TASP1: variants seen among roughly 807,000 people sequenced by gnomAD.
TASP1 encodes threonine aspartase 1.
Under a neutral mutation model 56.6 loss-of-function variants are expected in TASP1, and 16 were observed. The observed-to-expected ratio is 0.28, with a 90% CI of 0.19 to 0.43. TASP1 has a LOEUF of 0.43. Among genes scored for constraint, TASP1 ranks in the 20% least tolerant of loss-of-function variants. The probability of loss-of-function intolerance (pLI) is 1.00; values close to 1 mark genes in which losing one functional copy is unlikely to be tolerated. For synonymous variants in TASP1, 179 were observed against 184.2 expected (o/e 0.97, Z 0.23); for missense variants, 393 against 511.6 (o/e 0.77, Z 2.24).
chr20:13,530,596 C>T (rs891866547), intron 9 of TASP1, among the ~76,000 whole-genome samples: 1 of 152,246 alleles, frequency 6.6e-6, no homozygotes, highest in South Asian at 2.1e-4. Flanking sequence ...AGCCTGCACT[C>T]AAAAAATAGT....
chr20:13,114,746 C>T, the TASP1 span, among the ~76,000 whole-genome samples: 1 of 152,236 alleles, frequency 6.6e-6, no homozygotes, highest in South Asian at 2.1e-4. Context: ...TTCCACCTTG[C>T]TTTCTTGTTT....
chr20:13,599,559 G>A (rs1430461846), intron 4 of TASP1, among the ~76,000 whole-genome samples: 2 of 152,108 alleles, frequency 1.3e-5, no homozygotes, highest in African/African-American at 4.8e-5. Flanking sequence ...GATAGCATTA[G>A]GAGAAATACC....
chr20:13,121,917 A>G, the TASP1 span, among the ~76,000 whole-genome samples: 1 of 152,254 alleles, frequency 6.6e-6, no homozygotes, highest in Non-Finnish European at 1.5e-5. Flanking sequence ...CATGACCTTG[A>G]CTTTAAAAAA....
At chr20:13,427,503 A>G (rs2042658158) in intron 12 of TASP1, among the ~76,000 whole-genome samples, 1 of 152,222 alleles carries the variant, frequency 6.6e-6, no homozygotes, top group Non-Finnish European at 1.5e-5. Context: ...TCATATAATA[A>G]ATCATATACC....
At chr20:13,531,504 T>C (rs2045217667) in intron 9 of TASP1, among the ~76,000 whole-genome samples, 1 of 151,520 alleles carries the variant, frequency 6.6e-6, no homozygotes. Context: ...TTTTTTTTCT[T>C]TTTTTTGAGA....
chr20:13,106,455 C>A, the TASP1 span, among the ~76,000 whole-genome samples: 2 of 152,020 alleles, frequency 1.3e-5, no homozygotes, highest in African/African-American at 4.8e-5. Flanking sequence ...GTATTATTGA[C>A]GAGAAGAGTT....
intron 11 of TASP1, among the ~76,000 whole-genome samples, chr20:13,439,618 G>A (rs904373811): frequency 6.6e-6 from 1 of 152,062 alleles, no homozygotes; most frequent in African/African-American, 2.4e-5. Flanking sequence ...TAACTAACCT[G>A]CATGTTGTGC....
chr20:13,116,770 A>G, the TASP1 span, among the ~76,000 whole-genome samples: 2 of 152,214 alleles, frequency 1.3e-5, no homozygotes, highest in African/African-American at 4.8e-5. Context: ...CATTGGTGGC[A>G]GCATCTCCTG....
chr20:13,329,957 C>T, the TASP1 span, among the ~76,000 whole-genome samples: 21 of 149,664 alleles, frequency 1.4e-4, no homozygotes, highest in Admixed American at 1.4e-3. Flanking sequence ...TTGTCAAATT[C>T]CTTTTTTTTT....
At chr20:13,557,286 A>T (rs927823550) in intron 8 of TASP1, among the ~76,000 whole-genome samples, 2 of 152,222 alleles carry the variant, frequency 1.3e-5, no homozygotes, top group Non-Finnish European at 2.9e-5. Context: ...AAAAAAGAAT[A>T]AATCGGTGAT....
chr20:13,630,159 G>A lies in TASP1; in HGVS notation c.-74-7C>T. 6.9e-7 allele frequency: 1 copy of A among 1,455,864 alleles called. No homozygotes were observed. 90.2% of individuals were successfully genotyped at this position (1,455,864 alleles called of 1,614,324 possible). ...TTGCAGGAGAGGAATTACCCTAAAG[G>A]AAAACAGGCAAAGATGGTATACATT... On this transcript the variant is annotated splice_polypyrimidine_tract_variant and splice_region_variant and intron_variant, in intron 1 of 13. Transcript: ENST00000337743.
At chr20:13,207,665 G>A in the TASP1 span, among the ~76,000 whole-genome samples, 5 of 152,048 alleles carry the variant, frequency 3.3e-5, no homozygotes, top group Admixed American at 6.6e-5. Context: ...TTCTTCCTTC[G>A]GTTTTTTGCT....
the TASP1 span, among the ~76,000 whole-genome samples, chr20:13,137,661 T>C: frequency 6.6e-6 from 1 of 152,174 alleles, no homozygotes; most frequent in Non-Finnish European, 1.5e-5. Context: ...ATTCTGTTCA[T>C]TGAAGTAGTT....
At chr20:13,151,341 C>A in the TASP1 span, among the ~76,000 whole-genome samples, 4 of 152,162 alleles carry the variant, frequency 2.6e-5, no homozygotes, top group African/African-American at 9.7e-5. Context: ...CTATGATAGA[C>A]CAGTGTATGG....
At chr20:13,276,857 T>C in the TASP1 span, among the ~76,000 whole-genome samples, 5 of 152,246 alleles carry the variant, frequency 3.3e-5, no homozygotes, top group Non-Finnish European at 7.3e-5. Context: ...ATTGGATGCC[T>C]ATGAAACCTC....
At chr20:13,510,524 T>C (rs2044289496) in intron 10 of TASP1, among the ~76,000 whole-genome samples, 1 of 152,172 alleles carries the variant, frequency 6.6e-6, no homozygotes, top group African/African-American at 2.4e-5. Context: ...TAGCCAAAAA[T>C]AAAAGATGCA....
At chr20:13,453,109 G>A (rs891929273) in intron 11 of TASP1, among the ~76,000 whole-genome samples, 3 of 152,016 alleles carry the variant, frequency 2.0e-5, no homozygotes, top group African/African-American at 7.2e-5. Flanking sequence ...GGAAGTCCAA[G>A]GGACAATAAT....
At chr20:13,468,142 T>C (rs1057236610) in intron 11 of TASP1, among the ~76,000 whole-genome samples, 1 of 152,112 alleles carries the variant, frequency 6.6e-6, no homozygotes, top group African/African-American at 2.4e-5. Flanking sequence ...TAATCACAAA[T>C]TCAAATAAAG....
At chr20:13,115,226 A>T in the TASP1 span, among the ~76,000 whole-genome samples, 1 of 152,206 alleles carries the variant, frequency 6.6e-6, no homozygotes, top group African/African-American at 2.4e-5. Flanking sequence ...AAAAGGCTCA[A>T]TTCAAATTTG....
Sources: gnomAD v4.1 joint callset for allele counts (sites outside exome capture counted in the v4.1 genomes callset) on GRCh38, gnomAD v4.1.1 for gene constraint, MANE v1.5 for transcripts, NCBI Gene and HGNC (gene_info 2026-07-23, HGNC 2026-07-21) for gene names.